NGF: variants seen among roughly 807,000 people sequenced by gnomAD.
The protein encoded by NGF is nerve growth factor.
In NGF, 4 loss-of-function variants were observed where a neutral mutation model predicts 12.8. The ratio of observed to expected loss-of-function variants is 0.31; its 90% CI spans 0.15 to 0.72. The LOEUF (loss-of-function observed/expected upper bound fraction) is 0.72, where lower values mean the gene tolerates loss of function less well. NGF is among the 30% of genes least tolerant of loss of function. The pLI is 0.69. For synonymous variants in NGF, 140 were observed against 130.0 expected, an observed-to-expected ratio of 1.08 and a Z score of -0.52; for missense variants, 283 against 330.8, an observed-to-expected ratio of 0.86 and a Z score of 1.12.
At chr1:115,291,698 A>T (rs902102801) in intron 2 of NGF, among the ~76,000 whole-genome samples, 1 of 152,156 alleles carries the variant, frequency 6.6e-6, no homozygotes, top group African/African-American at 2.4e-5. Context: ...CACACACTCC[A>T]ATAATAGGAT....
chr1:115,315,529 A>C (rs928496379), intron 1 of NGF, among the ~76,000 whole-genome samples: 1 of 152,152 alleles, frequency 6.6e-6, no homozygotes, highest in African/African-American at 2.4e-5. Context: ...ATTTACTGAG[A>C]TGGAGAACAC....
At chr1:115,312,527 A>G (rs1051955685) in intron 1 of NGF, among the ~76,000 whole-genome samples, 1 of 152,196 alleles carries the variant, frequency 6.6e-6, no homozygotes, top group Non-Finnish European at 1.5e-5. Context: ...TCAGCAATGG[A>G]GGGGTCACAG....
intron 1 of NGF, among the ~76,000 whole-genome samples, chr1:115,305,218 C>A (rs139191971): frequency 1.2e-3 from 190 of 152,204 alleles, no homozygotes; most frequent in Non-Finnish European, 2.1e-3. Context: ...TATACTAGCA[C>A]TTTATATATA....
chr1:115,324,394 G>T (rs1654713096), intron 1 of NGF, among the ~76,000 whole-genome samples: 1 of 151,980 alleles, frequency 6.6e-6, no homozygotes, highest in South Asian at 2.1e-4. Context: ...TCCTCAATTG[G>T]CTCTTCACCC....
At chr1:115,301,837 A>G (rs1654046182) in intron 1 of NGF, among the ~76,000 whole-genome samples, 2 of 152,234 alleles carry the variant, frequency 1.3e-5, no homozygotes, top group Admixed American at 1.3e-4. Flanking sequence ...TGCAATGTTT[A>G]GCTATCACGA....
At chr1:115,289,695 G>C (rs1239546003) in intron 2 of NGF, among the ~76,000 whole-genome samples, 1 of 151,996 alleles carries the variant, frequency 6.6e-6, no homozygotes, top group Non-Finnish European at 1.5e-5. Flanking sequence ...CCCCATTTTG[G>C]ACCATTTGAT....
chr1:115,287,667 T>G (rs377179955), intron 2 of NGF, among the ~76,000 whole-genome samples: 9 of 152,340 alleles, frequency 5.9e-5, no homozygotes, highest in African/African-American at 1.9e-4. Context: ...GAATCCAAAG[T>G]TGACCCCTTA....
chr1:115,317,300 G>A (rs1025322860), intron 1 of NGF, among the ~76,000 whole-genome samples: 1 of 152,120 alleles, frequency 6.6e-6, no homozygotes, highest in African/African-American at 2.4e-5. Flanking sequence ...AGGCACATCT[G>A]CTCTGTCTCC....
chr1:115,288,067 C>G (rs997666139), intron 2 of NGF, among the ~76,000 whole-genome samples: 5 of 151,566 alleles, frequency 3.3e-5, no homozygotes, highest in African/African-American at 1.2e-4. Context: ...CTCCTTCCCA[C>G]TCTTATGGGT....
intron 1 of NGF, among the ~76,000 whole-genome samples, chr1:115,330,357 C>A (rs1194833128): frequency 6.6e-6 from 1 of 152,156 alleles, no homozygotes; most frequent in Non-Finnish European, 1.5e-5. Flanking sequence ...TATGCTTTAG[C>A]AAAAGAAACT....
intron 1 of NGF, among the ~76,000 whole-genome samples, chr1:115,330,398 C>T (rs1212617967): frequency 1.3e-5 from 2 of 152,180 alleles, no homozygotes; most frequent in Non-Finnish European, 2.9e-5. Flanking sequence ...CTAAAGAAGT[C>T]ATCTGTTCTG....
intron 1 of NGF, among the ~76,000 whole-genome samples, chr1:115,316,705 G>T (rs1352829704): frequency 6.6e-6 from 1 of 152,076 alleles, no homozygotes. Flanking sequence ...AATTCTCAAA[G>T]AAATTCAATA....
chr1:115,318,201 C>T (rs989334035), intron 1 of NGF, among the ~76,000 whole-genome samples: 1 of 152,214 alleles, frequency 6.6e-6, no homozygotes, highest in Non-Finnish European at 1.5e-5. Flanking sequence ...AGAGGCCGCT[C>T]CTTGCCAGGG....
intron 1 of NGF, among the ~76,000 whole-genome samples, chr1:115,328,141 G>T (rs183146518): frequency 8.3e-4 from 117 of 141,702 alleles, no homozygotes; most frequent in African/African-American, 3.2e-3. Flanking sequence ...GTGAAAATGG[G>T]GCCCAGTGGG....
intron 2 of NGF, among the ~76,000 whole-genome samples, chr1:115,287,809 C>A (rs1653560821): frequency 6.6e-6 from 1 of 152,054 alleles, no homozygotes. Flanking sequence ...TCTAACTGTC[C>A]CCAAGAGGAC....
intron 1 of NGF, among the ~76,000 whole-genome samples, chr1:115,318,976 C>T (rs762957860): frequency 1.3e-5 from 2 of 152,198 alleles, no homozygotes; most frequent in Non-Finnish European, 2.9e-5. Flanking sequence ...TGTTGAATGG[C>T]TTCATGGGAC....
intron 1 of NGF, among the ~76,000 whole-genome samples, chr1:115,311,314 A>T (rs1057514363): frequency 9.9e-5 from 15 of 152,146 alleles, no homozygotes; most frequent in African/African-American, 3.6e-4. Flanking sequence ...TTAAACTTGG[A>T]GTTGTCATCC....
chr1:115,311,087 A>G (rs1458928624), intron 1 of NGF, among the ~76,000 whole-genome samples: 1 of 152,244 alleles, frequency 6.6e-6, no homozygotes, highest in Non-Finnish European at 1.5e-5. Flanking sequence ...CCCAAGCCAC[A>G]TAGGCTAGAA....
At chr1:115,295,263 C>T (rs1388749773) in intron 1 of NGF, among the ~76,000 whole-genome samples, 1 of 152,128 alleles carries the variant, frequency 6.6e-6, no homozygotes, top group Non-Finnish European at 1.5e-5. Context: ...TGAAATTAAG[C>T]CCTGGGATGT....
Sources: gnomAD v4.1 joint callset for allele counts (sites outside exome capture counted in the v4.1 genomes callset) on GRCh38, gnomAD v4.1.1 for gene constraint, MANE v1.5 for transcripts, NCBI Gene and HGNC (gene_info 2026-07-23, HGNC 2026-07-21) for gene names.